RARB: variants seen among roughly 807,000 people sequenced by gnomAD.
RARB encodes retinoic acid receptor beta.
RARB carries 17 observed loss-of-function variants against 51.9 expected under a neutral mutation model. The ratio of observed to expected loss-of-function variants is 0.33; its 90% CI spans 0.22 to 0.49. RARB has a LOEUF of 0.49. Ranked by LOEUF, RARB falls within the 20% of genes least tolerant of loss-of-function variation. The pLI is 0.99. For synonymous variants in RARB, 215 were observed against 195.4 expected (o/e 1.10, Z -0.84); for missense variants, 369 against 550.8 (o/e 0.67, Z 3.30).
intron 4 of RARB, among the ~76,000 whole-genome samples, chr3:25,163,458 T>C (rs995003701): frequency 6.7e-6 from 1 of 148,160 alleles, no homozygotes; most frequent in Non-Finnish European, 1.5e-5. Flanking sequence ...TGAGCCAAGA[T>C]CATGCCACTG....
At chr3:25,149,697 G>T (rs755625684) in intron 4 of RARB, among the ~76,000 whole-genome samples, 3 of 152,142 alleles carry the variant, frequency 2.0e-5, no homozygotes, top group Non-Finnish European at 4.4e-5. Context: ...TGAATTAGAT[G>T]CATGTATAAC....
At chr3:24,876,558 T>A (rs957082834) in intron 2 of RARB, among the ~76,000 whole-genome samples, 1 of 152,156 alleles carries the variant, frequency 6.6e-6, no homozygotes, top group East Asian at 1.9e-4. Context: ...CATATTAGCA[T>A]TTAATATTTT....
intron 5 of RARB, among the ~76,000 whole-genome samples, chr3:25,229,200 T>G (rs1204404206): frequency 6.6e-6 from 1 of 152,158 alleles, no homozygotes. Flanking sequence ...ATCTTTTTAG[T>G]CCATTATTTG....
chr3:24,837,054 C>A (rs59096815), intron 1 of RARB, among the ~76,000 whole-genome samples: 2,111 of 152,268 alleles, frequency 0.014, 45 homozygotes, highest in African/African-American at 0.048. Flanking sequence ...ATGATAATTT[C>A]AGATAGCAAT....
intron 3 of RARB, among the ~76,000 whole-genome samples, chr3:25,073,933 G>A (rs1036863404): frequency 6.6e-6 from 1 of 152,114 alleles, no homozygotes; most frequent in Non-Finnish European, 1.5e-5. Context: ...TGAGACTAGA[G>A]TTGGTAAATC....
chr3:25,434,059 CT>C (rs1708320162), intron 1 of RARB, among the ~76,000 whole-genome samples: 1 of 152,166 alleles, frequency 6.6e-6, no homozygotes, highest in Admixed American at 6.5e-5. Flanking sequence ...TCTCTGCCCC[CT>C]GCGCGATAAG....
intron 1 of RARB, among the ~76,000 whole-genome samples, chr3:24,838,127 C>G (rs1702367201): frequency 6.6e-6 from 1 of 152,138 alleles, no homozygotes; most frequent in Non-Finnish European, 1.5e-5. Flanking sequence ...GGGGATCATT[C>G]TCAACTTTTA....
intron 5 of RARB, among the ~76,000 whole-genome samples, chr3:25,220,346 C>T (rs560856280): frequency 6.6e-6 from 1 of 152,280 alleles, no homozygotes; most frequent in South Asian, 2.1e-4. Flanking sequence ...TAAGTTATCA[C>T]ATGTCATTTG....
At chr3:25,177,435 G>A (rs1575198579) in intron 5 of RARB, among the ~76,000 whole-genome samples, 2 of 152,306 alleles carry the variant, frequency 1.3e-5, no homozygotes, top group East Asian at 3.9e-4. Flanking sequence ...CAAACATGTT[G>A]GAGAATGACT....
At chr3:25,341,947 A>G (rs976608825) in intron 5 of RARB, among the ~76,000 whole-genome samples, 2 of 152,190 alleles carry the variant, frequency 1.3e-5, no homozygotes. Context: ...CACAATTATA[A>G]TTAAATACAT....
intron 2 of RARB, chr3:25,059,987 C>A (rs1449835223): frequency 6.6e-6 from 1 of 151,538 alleles, no homozygotes; most frequent in Non-Finnish European, 1.5e-5. Context: ...TTGTGGGATC[C>A]CTGGCAAGCA....
chr3:25,176,364 TC>T (rs2125354595), intron 5 of RARB, among the ~76,000 whole-genome samples: 2 of 118,838 alleles, frequency 1.7e-5, no homozygotes, highest in African/African-American at 5.6e-5. Context: ...CTTCCTTCCT[TC>T]CTTCCTTCCT....
rs185723809 is a variant in RARB, at chr3:25,194,615, G to A, written c.178+20040G>A. On this transcript the variant is annotated intron_variant, in intron 5 of 11. Coordinates refer to the RARB transcript ENST00000383772. ...CCGGAAGTAAAAGGCTGTCATAGGA[G>A]CTTAATTAGAGTCCCTTGAGAACAA... Among the ~76,000 whole-genome samples the A allele has an allele frequency of 2.6e-4, 39 of 150,748 alleles. 1 individual carries two copies. In the East Asian group the frequency reaches 6.8e-3, roughly 26 times the overall value.
At chr3:25,216,432 G>T (rs560946953) in intron 5 of RARB, among the ~76,000 whole-genome samples, 1 of 152,280 alleles carries the variant, frequency 6.6e-6, no homozygotes, top group South Asian at 2.1e-4. Context: ...CGTATCCTTT[G>T]CAGGGACATG....
chr3:24,833,437 A>G (rs1277307227), intron 1 of RARB, among the ~76,000 whole-genome samples: 1 of 152,080 alleles, frequency 6.6e-6, no homozygotes, highest in African/African-American at 2.4e-5. Context: ...GCTTTAGGTA[A>G]TATCTTTCAT....
chr3:25,185,502 A>G (rs917257105), intron 5 of RARB, among the ~76,000 whole-genome samples: 36 of 152,196 alleles, frequency 2.4e-4, no homozygotes, highest in African/African-American at 8.4e-4. Flanking sequence ...GAAATTGGCC[A>G]ACCAAAAAGA....
rs879767180 is a variant in RARB at position 25,384,023 on chromosome 3, G to A, written c.179-77170G>A. ...AGATCTGTAAGATCATTTTTTAGTT[G>A]GGTGTTTAGAGTGAGTTTCATTTGG... On this transcript the variant is annotated intron_variant, in intron 5 of 11. Coordinates refer to the RARB transcript ENST00000383772. Among the ~76,000 whole-genome samples, 87 of 151,944 alleles carry A rather than the reference G, an allele frequency of 5.7e-4. 1 individual carries two copies. Among genetic ancestry groups the A allele is most frequent in the Admixed American group, 5.4e-3 (83 of 15,268 alleles).
intron 2 of RARB, among the ~76,000 whole-genome samples, chr3:24,959,170 G>T (rs968755332): frequency 6.6e-6 from 1 of 152,218 alleles, no homozygotes; most frequent in African/African-American, 2.4e-5. Context: ...TTCATGTGAG[G>T]CAGTTGCTCT....
intron 1 of RARB, among the ~76,000 whole-genome samples, chr3:24,843,595 T>A (rs1211389886): frequency 6.6e-6 from 1 of 152,078 alleles, no homozygotes; most frequent in Admixed American, 6.6e-5. Context: ...CCACACACCA[T>A]CAAACTAATA....
Sources: allele counts gnomAD v4.1 joint callset (sites outside exome capture counted in the v4.1 genomes callset), GRCh38; gene constraint gnomAD v4.1.1; transcripts MANE v1.5; gene names NCBI Gene and HGNC (gene_info 2026-07-23, HGNC 2026-07-21).